NECAB1: variants seen among roughly 807,000 people sequenced by gnomAD.
NECAB1 encodes the protein N-terminal EF-hand calcium binding protein 1, also known as N-terminal EF-hand calcium-binding protein 1.
A neutral mutation model predicts 57.5 loss-of-function variants in NECAB1; 29 were observed. The observed-to-expected ratio is 0.50, with a 90% CI of 0.38 to 0.69. The LOEUF is 0.69. NECAB1 is among the 30% of genes least tolerant of loss of function. The probability of loss-of-function intolerance (pLI) is 0.00; values close to 1 mark genes in which losing one functional copy is unlikely to be tolerated. For missense variants in NECAB1, 372 were observed against 413.8 expected (o/e 0.90, Z 0.88); for synonymous variants, 142 against 147.7 (o/e 0.96, Z 0.28).
intron 5 of NECAB1, among the ~76,000 whole-genome samples, chr8:90,908,317 G>A (rs898189913): frequency 6.6e-6 from 1 of 152,020 alleles, no homozygotes; most frequent in South Asian, 2.1e-4. Flanking sequence ...AGAAATTTTG[G>A]TGATATTTTA....
intron 3 of NECAB1, among the ~76,000 whole-genome samples, chr8:90,832,649 C>G (rs1351217500): frequency 1.3e-5 from 2 of 151,974 alleles, no homozygotes; most frequent in Non-Finnish European, 2.9e-5. Context: ...ATGTACCAGG[C>G]AATTAACTTG....
intron 2 of NECAB1, among the ~76,000 whole-genome samples, chr8:90,808,936 C>T (rs1811906125): frequency 6.6e-6 from 1 of 152,048 alleles, no homozygotes; most frequent in African/African-American, 2.4e-5. Context: ...TGAGCCACCG[C>T]GCCCGGCCTT....
chr8:90,904,861 G>C (rs1010346758), intron 5 of NECAB1, among the ~76,000 whole-genome samples: 1 of 152,066 alleles, frequency 6.6e-6, no homozygotes. Context: ...TCAATAAATG[G>C]TGCTAGAAAA....
chr8:90,877,519 G>A (rs1225801439), intron 4 of NECAB1, among the ~76,000 whole-genome samples: 1 of 152,094 alleles, frequency 6.6e-6, no homozygotes, highest in Non-Finnish European at 1.5e-5. Flanking sequence ...AAGTACCCTA[G>A]AGTAGTGTTT....
rs57808023 is a variant in NECAB1, at chr8:90,906,876, CATATATATATATATATAT to C, written c.358-10599_358-10582del. Among the ~76,000 whole-genome samples, 6 of 121,760 alleles carry C rather than the reference CATATATATATATATATAT, an allele frequency of 4.9e-5. No homozygotes were observed. In the East Asian group the frequency reaches 6.4e-4, roughly 13 times the overall value. 79.9% of individuals were successfully genotyped at this position (121,760 alleles called of 152,430 possible). A position where few individuals can be genotyped will look rare whatever the true frequency, so the allele number is the denominator to read the frequency against. ...ACCTTTTCCTTACATATGATATACACATATATATATATATATATATATATATATATATATCTTCTCACT... is the reference window on the plus strand; with the variant it reads ...ACCTTTTCCTTACATATGATATACACATATATATATATATATCTTCTCACT... On this transcript the variant is annotated intron_variant, in intron 5 of 12. Coordinates refer to ENST00000417640, the MANE Select transcript of NECAB1 (RefSeq NM_022351.5).
chr8:90,806,150 C>T (rs1010415894), intron 2 of NECAB1, among the ~76,000 whole-genome samples: 3 of 152,134 alleles, frequency 2.0e-5, no homozygotes, highest in African/African-American at 4.8e-5. Context: ...TTTGCACTTG[C>T]TAAGGTCTGC....
chr8:90,902,070 C>A (rs1347242692), intron 5 of NECAB1, among the ~76,000 whole-genome samples: 1 of 152,140 alleles, frequency 6.6e-6, no homozygotes, highest in East Asian at 1.9e-4. Flanking sequence ...TTTATTCTTT[C>A]TCTTAAAAAT....
chr8:90,902,574 C>T (rs895731474), intron 5 of NECAB1, among the ~76,000 whole-genome samples: 18 of 152,064 alleles, frequency 1.2e-4, no homozygotes, highest in African/African-American at 2.4e-5. Context: ...TACCTGTACA[C>T]ACATTTTACA....
At chr8:90,810,991 A>G (rs1811949440) in intron 2 of NECAB1, among the ~76,000 whole-genome samples, 1 of 148,794 alleles carries the variant, frequency 6.7e-6, no homozygotes, top group Non-Finnish European at 1.5e-5. Flanking sequence ...TCTGTCTCCC[A>G]GGCTGGAGCG....
intron 2 of NECAB1, among the ~76,000 whole-genome samples, chr8:90,819,146 T>C (rs901426397): frequency 1.3e-5 from 2 of 151,940 alleles, no homozygotes; most frequent in African/African-American, 4.8e-5. Flanking sequence ...TTCTAGTATT[T>C]TTTTCATTCT....
At chr8:90,932,065 T>C (rs1810423854) in intron 8 of NECAB1, among the ~76,000 whole-genome samples, 1 of 152,180 alleles carries the variant, frequency 6.6e-6, no homozygotes, top group Non-Finnish European at 1.5e-5. Context: ...TTTGAAAGGA[T>C]GTAATTCAGG....
intron 5 of NECAB1, among the ~76,000 whole-genome samples, chr8:90,908,893 T>C (rs1393816616): frequency 6.6e-6 from 1 of 152,200 alleles, no homozygotes; most frequent in Non-Finnish European, 1.5e-5. Flanking sequence ...CCAGAAACTG[T>C]AGTTAAATTG....
At chr8:90,825,904 A>G (rs1040778601) in intron 3 of NECAB1, among the ~76,000 whole-genome samples, 1 of 151,874 alleles carries the variant, frequency 6.6e-6, no homozygotes, top group African/African-American at 2.4e-5. Flanking sequence ...TGGTGGTACA[A>G]CATGGAACCA....
At chr8:90,901,216 ATGATT>A (rs762023434) in intron 5 of NECAB1, among the ~76,000 whole-genome samples, 14 of 149,204 alleles carry the variant, frequency 9.4e-5, no homozygotes, top group Non-Finnish European at 2.1e-4. Flanking sequence ...TGAGGCTGAT[ATGATT>A]TAAGTCTCTC....
chr8:90,811,393 T>A (rs1379286837), intron 2 of NECAB1, among the ~76,000 whole-genome samples: 1 of 152,170 alleles, frequency 6.6e-6, no homozygotes, highest in Non-Finnish European at 1.5e-5. Flanking sequence ...AACACCCTAA[T>A]GCATTAGAGT....
chr8:90,815,757 T>C (rs1389960219), intron 2 of NECAB1, among the ~76,000 whole-genome samples: 1 of 152,042 alleles, frequency 6.6e-6, no homozygotes. Context: ...TAATATTTCA[T>C]TGTGTGGATG....
intron 3 of NECAB1, among the ~76,000 whole-genome samples, chr8:90,840,652 A>C (rs1161088542): frequency 1.3e-5 from 2 of 152,214 alleles, no homozygotes; most frequent in Non-Finnish European, 2.9e-5. Context: ...AATTTTTAAA[A>C]GCAGTGTAGA....
chr8:90,952,174 G>C (rs1810934247), intron 12 of NECAB1, among the ~76,000 whole-genome samples: 1 of 151,738 alleles, frequency 6.6e-6, no homozygotes, highest in African/African-American at 2.4e-5. Flanking sequence ...GGATGTCATG[G>C]AGAGGAGAGA....
At chr8:90,846,517 T>C (rs902040464) in intron 3 of NECAB1, among the ~76,000 whole-genome samples, 1 of 152,236 alleles carries the variant, frequency 6.6e-6, no homozygotes, top group Non-Finnish European at 1.5e-5. Context: ...TAGTAAGTGT[T>C]TTAGAGTTTT....
Sources: gnomAD v4.1 joint callset for allele counts (sites outside exome capture counted in the v4.1 genomes callset) on GRCh38, gnomAD v4.1.1 for gene constraint, MANE v1.5 for transcripts, NCBI Gene and HGNC (gene_info 2026-07-23, HGNC 2026-07-21) for gene names.